YPEL2: variants seen among roughly 807,000 people sequenced by gnomAD.
YPEL2 encodes the protein yippee like 2.
A neutral mutation model predicts 19.1 loss-of-function variants in YPEL2; 2 were observed. The observed-to-expected ratio is 0.10, with a 90% confidence interval of 0.04 to 0.33. The LOEUF (loss-of-function observed/expected upper bound fraction) is 0.33, where lower values mean the gene tolerates loss of function less well. Ranked by LOEUF, YPEL2 falls within the 10% of genes least tolerant of loss-of-function variation. The pLI, the probability that YPEL2 is intolerant of heterozygous loss-of-function variation, is 1.00. For missense variants in YPEL2, 66 were observed against 140.7 expected (o/e 0.47, Z 2.68); for synonymous variants, 52 against 50.0 (o/e 1.04, Z -0.17).
chr17:59,345,496 C>T (rs1287958036), intron 1 of YPEL2, among the ~76,000 whole-genome samples: 1 of 152,014 alleles, frequency 6.6e-6, no homozygotes, highest in Non-Finnish European at 1.5e-5. Context: ...GCAGTGGCCC[C>T]GTCCTGAGAT....
rs910049700 is a variant in YPEL2 at position 59,400,769 on chromosome 17, T to G, written c.*3579T>G. 1 of 152,624 alleles carries G rather than the reference T, an allele frequency of 6.6e-6. No homozygotes were observed. Among genetic ancestry groups the G allele is most frequent in the African/African-American group, 2.4e-5 (1 of 41,446 alleles). 9.5% of individuals were successfully genotyped at this position (152,624 alleles called of 1,614,324 possible). On this transcript the variant is annotated 3_prime_UTR_variant, in exon 5 of 5. Coordinates refer to ENST00000312655, the MANE Select transcript of YPEL2 (RefSeq NM_001005404.4). ...GCGCGCACACGTGTGTAAAAAGCAC[T>G]TTCGATTGTGCCTCCTGTTTTCTCG...
chr17:59,360,163 G>T (rs1052022203), intron 2 of YPEL2, among the ~76,000 whole-genome samples: 1 of 152,184 alleles, frequency 6.6e-6, no homozygotes, highest in South Asian at 2.1e-4. Context: ...TGCAAGCTCC[G>T]CTTCCCGGGT....
At chr17:59,336,093 A>G (rs1809620408) in intron 1 of YPEL2, among the ~76,000 whole-genome samples, 1 of 152,208 alleles carries the variant, frequency 6.6e-6, no homozygotes, top group African/African-American at 2.4e-5. Flanking sequence ...TGGAGTAGAC[A>G]CTGGATAAGT....
intron 2 of YPEL2, among the ~76,000 whole-genome samples, chr17:59,386,028 G>A (rs894905097): frequency 2.0e-5 from 3 of 152,102 alleles, no homozygotes; most frequent in African/African-American, 7.2e-5. Context: ...TAGTGCTAAG[G>A]CAAAGGAAAA....
chr17:59,341,338 G>A (rs1282898919), intron 1 of YPEL2, among the ~76,000 whole-genome samples: 1 of 151,012 alleles, frequency 6.6e-6, no homozygotes, highest in Non-Finnish European at 1.5e-5. Flanking sequence ...CTTGCAATGA[G>A]CGGAGATCGC....
intron 2 of YPEL2, among the ~76,000 whole-genome samples, chr17:59,374,961 C>T (rs778153600): frequency 6.6e-6 from 1 of 152,178 alleles, no homozygotes; most frequent in African/African-American, 2.4e-5. Flanking sequence ...AGCTTTAAAT[C>T]TATGACCTGA....
intron 1 of YPEL2, among the ~76,000 whole-genome samples, chr17:59,340,092 C>T (rs541294885): frequency 4.6e-5 from 7 of 151,452 alleles, no homozygotes; most frequent in Non-Finnish European, 7.4e-5. Context: ...GACTGAGAAA[C>T]AACTAATTTT....
chr17:59,353,983 T>TTTTTTTAATGATAC lies in YPEL2; in HGVS notation c.117+457_117+458insTTTTTTAATGATAC. The TTTTTTTAATGATAC allele has an allele frequency of 3.7e-6, 1 of 270,948 alleles. No homozygotes were observed. The highest frequency in any genetic ancestry group is 3.9e-5 in the South Asian group (1 of 25,474). The allele number at this position is 270,948 out of a possible 1,614,324, so 16.8% of individuals were successfully genotyped here. On this transcript the variant is annotated intron_variant, in intron 2 of 4. Transcript: ENST00000312655. The surrounding 1 kb of genome is among the most constrained non-coding windows in gnomAD (Gnocchi z 4.8). ...TGGAATTACTAAAATGGGTGGCTTT[T>TTTTTTTAATGATAC]GGCAGGGACCAAAAGTGGCTTGTTG...
intron 2 of YPEL2, among the ~76,000 whole-genome samples, chr17:59,385,834 C>CA (rs550921232): frequency 0.015 from 2,341 of 151,680 alleles, 37 homozygotes; most frequent in Middle Eastern, 0.051. Flanking sequence ...TTATAGAAAA[C>CA]AAAAAAAACT....
At position 59,368,844 on chromosome 17, in the gene YPEL2, CT is replaced by C. The variant is rs1276755402; in HGVS notation, c.117+15320del. On this transcript the variant is annotated intron_variant, in intron 2 of 4. Transcript: ENST00000312655. ...TATTTTGGAAAATCAACTTCTTTAG[CT>C]TCTGTAAACCATGTATCCTTGAGCT... 4.6e-5 allele frequency among the ~76,000 whole-genome samples: 7 copies of C among 152,290 alleles called. No individual in the cohort carries two copies. The East Asian group carries it at 1.4e-3, about 29-fold the overall frequency.
chr17:59,398,257 C>G lies in YPEL2; in HGVS notation c.*1067C>G, dbSNP rs563127562. ...CATTGGAACCAGTTCAGGTTCGGTGCATCTTTCCTCTTCGGTTTTACAGTG... is the reference window on the plus strand; with the variant it reads ...CATTGGAACCAGTTCAGGTTCGGTGGATCTTTCCTCTTCGGTTTTACAGTG... On this transcript the variant is annotated 3_prime_UTR_variant, in exon 5 of 5. Coordinates refer to ENST00000312655, the MANE Select transcript of YPEL2 (RefSeq NM_001005404.4). The G allele has an allele frequency of 8.5e-5, 13 of 152,382 alleles. No homozygotes were observed. Among genetic ancestry groups the G allele is most frequent in the African/African-American group, 2.6e-4 (11 of 41,560 alleles). The allele number at this position is 152,382 out of a possible 1,614,324, so 9.4% of individuals were successfully genotyped here.
Position 59,339,170 on chromosome 17 carries a change from G to A in YPEL2, c.-196+7346G>A, listed in dbSNP as rs576197964. 3.5e-5 allele frequency among the ~76,000 whole-genome samples: 5 copies of A among 141,068 alleles called. No individual in the cohort carries two copies. In the East Asian group the frequency reaches 8.9e-4, roughly 25 times the overall value. 92.5% of individuals were successfully genotyped at this position (141,068 alleles called of 152,430 possible). A position where few individuals can be genotyped will look rare whatever the true frequency, so the allele number is the denominator to read the frequency against. On this transcript the variant is annotated intron_variant, in intron 1 of 4. Transcript: ENST00000312655. ...TACCACTTCGGTCTTTGTCTGTTGG[G>A]GGTCCCTCCCTACATTGACCCATTG...
At chr17:59,333,035 A>G (rs2047679960) in intron 1 of YPEL2, among the ~76,000 whole-genome samples, 1 of 152,240 alleles carries the variant, frequency 6.6e-6, no homozygotes, top group South Asian at 2.1e-4. Context: ...TAAAGATGCA[A>G]GAAGTTCAGT....
intron 2 of YPEL2, among the ~76,000 whole-genome samples, chr17:59,373,534 G>A (rs2047906672): frequency 6.6e-6 from 1 of 152,064 alleles, no homozygotes; most frequent in African/African-American, 2.4e-5. Flanking sequence ...TTTTAGTCCC[G>A]TTTTCTAGGT....
chr17:59,341,806 A>G (rs2047732641), intron 1 of YPEL2, among the ~76,000 whole-genome samples: 1 of 152,222 alleles, frequency 6.6e-6, no homozygotes, highest in East Asian at 1.9e-4. Flanking sequence ...TCTATCTGCT[A>G]TTCCCATTCA....
At chr17:59,388,415 A>T (rs747197186) in intron 3 of YPEL2, 45 bp downstream of exon 3, 82 of 1,592,784 alleles carry the variant, frequency 5.1e-5, no homozygotes, top group Non-Finnish European at 6.1e-5. Context: ...TACAGATTCG[A>T]GGGATGGGAA....
At chr17:59,379,188 A>C (rs778607000) in intron 2 of YPEL2, among the ~76,000 whole-genome samples, 3 of 152,156 alleles carry the variant, frequency 2.0e-5, no homozygotes, top group Non-Finnish European at 2.9e-5. Flanking sequence ...TAATTCTGGA[A>C]GTTTTTAACT....
At chr17:59,345,770 G>A (rs1245705390) in intron 1 of YPEL2, among the ~76,000 whole-genome samples, 1 of 152,186 alleles carries the variant, frequency 6.6e-6, no homozygotes, top group Non-Finnish European at 1.5e-5. Flanking sequence ...TGGTAAGGGT[G>A]ACTGTAGCTA....
chr17:59,356,093 T>C (rs1769162450), intron 2 of YPEL2: 1 of 152,192 alleles, frequency 6.6e-6, no homozygotes, highest in African/African-American at 2.4e-5. Context: ...TTTTCATTTT[T>C]CCCTCCCTCT....
Sources: allele counts gnomAD v4.1 joint callset (sites outside exome capture counted in the v4.1 genomes callset), GRCh38; gene constraint gnomAD v4.1.1; non-coding constraint Gnocchi (gnomAD v3.1); transcripts MANE v1.5; gene names NCBI Gene and HGNC (gene_info 2026-07-23, HGNC 2026-07-21).